Variants in RANBP10 observed in about 807,000 individuals in gnomAD.
The protein encoded by RANBP10 is RAN binding protein 10, also known as ran-binding protein 10.
RANBP10 carries 24 observed loss-of-function variants against 72.8 expected under a neutral mutation model. The observed-to-expected ratio is 0.33, with a 90% confidence interval of 0.24 to 0.46. RANBP10 has a LOEUF of 0.46. Among genes scored for constraint, RANBP10 ranks in the 20% least tolerant of loss-of-function variants. RANBP10 has a pLI of 1.00. For synonymous variants in RANBP10, 310 were observed against 322.3 expected, an observed-to-expected ratio of 0.96 and a Z score of 0.41; for missense variants, 679 against 817.5, an observed-to-expected ratio of 0.83 and a Z score of 2.07.
In RANBP10 at chr16:67,795,850, G is replaced by A. The variant is rs182303495; in HGVS notation, c.347+9578C>T. Among the ~76,000 whole-genome samples the A allele has an allele frequency of 4.5e-3, 671 of 149,244 alleles. 6 individuals carry two copies. The highest frequency in any genetic ancestry group is 0.016 in the African/African-American group (647 of 39,952). ...AGCCTGGGCGACAGAGTGAGACTCC[G>A]TCTCAAAAATAAACAAACAAACAAA... On this transcript the variant is annotated intron_variant, in intron 2 of 13. Coordinates refer to ENST00000317506, the MANE Select transcript of RANBP10 (RefSeq NM_020850.3).
At chr16:67,778,663 C>A (rs149701713) in intron 2 of RANBP10, among the ~76,000 whole-genome samples, 8 of 152,216 alleles carry the variant, frequency 5.3e-5, no homozygotes, top group African/African-American at 1.9e-4. Context: ...CTAGCCTGGG[C>A]GACACAGCAA....
At chr16:67,777,478 G>A (rs2054728292) in intron 2 of RANBP10, among the ~76,000 whole-genome samples, 1 of 152,050 alleles carries the variant, frequency 6.6e-6, no homozygotes, top group Non-Finnish European at 1.5e-5. Context: ...TGAGCTTGCA[G>A]TGAGCCGAGA....
intron 3 of RANBP10, among the ~76,000 whole-genome samples, chr16:67,751,440 A>G (rs975137736): frequency 6.6e-6 from 1 of 152,226 alleles, no homozygotes; most frequent in Non-Finnish European, 1.5e-5. Context: ...CCTGGCCAAC[A>G]TGGTGAAATC....
intron 2 of RANBP10, among the ~76,000 whole-genome samples, chr16:67,773,807 G>A (rs1251361113): frequency 6.6e-6 from 1 of 152,188 alleles, no homozygotes; most frequent in African/African-American, 2.4e-5. Context: ...CAGCATTTGA[G>A]ACAGAGTTGG....
At chr16:67,791,788 A>G (rs1337025137) in intron 2 of RANBP10, among the ~76,000 whole-genome samples, 2 of 152,202 alleles carry the variant, frequency 1.3e-5, no homozygotes, top group Non-Finnish European at 2.9e-5. Context: ...GATCCTTGGA[A>G]GATGGTTCAG....
rs961513686 is a variant in RANBP10, at chr16:67,748,523, T to TA, written c.401-4069dup. Among the ~76,000 whole-genome samples, 505 of 143,432 alleles carry TA rather than the reference T, an allele frequency of 3.5e-3. 1 individual carries two copies. Among genetic ancestry groups the TA allele is most frequent in the Middle Eastern group, 0.021 (6 of 280 alleles). 94.1% of individuals were successfully genotyped at this position (143,432 alleles called of 152,430 possible). ...TGGGCAACAAGAGCGAAACTCCGTC[T>TA]AAAAAAAAAAACAAAGTGCATGGTA... On this transcript the variant is annotated intron_variant, in intron 3 of 13. Coordinates refer to ENST00000317506, the MANE Select transcript of RANBP10 (RefSeq NM_020850.3).
intron 3 of RANBP10, among the ~76,000 whole-genome samples, chr16:67,764,237 T>C (rs1284930235): frequency 6.6e-6 from 1 of 152,182 alleles, no homozygotes; most frequent in Non-Finnish European, 1.5e-5. Context: ...GGCCTCTCCT[T>C]CGTCCCAAGC....
chr16:67,737,988 G>A (rs1169984483), intron 5 of RANBP10, 25 bp downstream of exon 5: 1 of 1,578,902 alleles, frequency 6.3e-7, no homozygotes, highest in Admixed American at 1.8e-5. Flanking sequence ...AACCCAGGAG[G>A]GGAAGACTCA....
Position 67,726,363 on chromosome 16 carries a change from G to GAGGGC in RANBP10, c.*60_*64dup. 6.2e-7 allele frequency: 1 copy of GAGGGC among 1,602,676 alleles called. No individual in the cohort carries two copies. On this transcript the variant is annotated 3_prime_UTR_variant, in exon 14 of 14. Coordinates refer to ENST00000317506, the MANE Select transcript of RANBP10 (RefSeq NM_020850.3). ...CCAGTCCCTGCACCAGTTGCCTATG[G>GAGGGC]AGGGCAGGGCAGCTCCAGCCCTGGG...
chr16:67,767,857 A>G (rs2054534006), intron 3 of RANBP10, among the ~76,000 whole-genome samples: 1 of 152,054 alleles, frequency 6.6e-6, no homozygotes, highest in Non-Finnish European at 1.5e-5. Flanking sequence ...TGGCCTCCCA[A>G]AGTGATGGGA....
chr16:67,781,836 G>A (rs954215512), intron 2 of RANBP10, among the ~76,000 whole-genome samples: 7 of 152,308 alleles, frequency 4.6e-5, no homozygotes, highest in Non-Finnish European at 8.8e-5. Context: ...AGATCCACCA[G>A]AACACAAGAT....
intron 2 of RANBP10, among the ~76,000 whole-genome samples, chr16:67,784,239 G>A (rs1488014805): frequency 6.6e-6 from 1 of 152,210 alleles, no homozygotes; most frequent in African/African-American, 2.4e-5. Context: ...ATCAGGTGGA[G>A]GCCGGGAGAG....
intron 3 of RANBP10, among the ~76,000 whole-genome samples, chr16:67,756,459 C>T (rs966032916): frequency 6.6e-6 from 1 of 152,208 alleles, no homozygotes; most frequent in Non-Finnish European, 1.5e-5. Flanking sequence ...CGGTGACTCA[C>T]GCCTGTAATC....
chr16:67,752,057 C>A (rs1472925751), intron 3 of RANBP10, among the ~76,000 whole-genome samples: 1 of 151,898 alleles, frequency 6.6e-6, no homozygotes, highest in East Asian at 1.9e-4. Flanking sequence ...TTCTGCTTTT[C>A]CAATTCCCAA....
chr16:67,727,556 G>C lies in RANBP10; in HGVS notation c.1621-118C>G, dbSNP rs1864637831. The C allele has an allele frequency of 4.6e-6, 6 of 1,308,376 alleles. No individual in the cohort carries two copies. In the African/African-American group the frequency reaches 5.9e-5, roughly 13 times the overall value. The allele number at this position is 1,308,376 out of a possible 1,614,324, so 81.0% of individuals were successfully genotyped here. A position where few individuals can be genotyped will look rare whatever the true frequency, so the allele number is the denominator to read the frequency against. On this transcript the variant is annotated intron_variant, in intron 12 of 13. Transcript: ENST00000317506. The stretch of plus-strand genomic sequence containing the variant: ...TGCCCAGCCTGGAATGTGGGGTGTA[G>C]GGTCGGGCAGGGCTGTACTCTCCCC...
intron 2 of RANBP10, among the ~76,000 whole-genome samples, chr16:67,782,829 C>A (rs961467461): frequency 1.3e-5 from 2 of 152,172 alleles, no homozygotes; most frequent in Non-Finnish European, 2.9e-5. Flanking sequence ...TAAGAGCCAT[C>A]TCTTAAAAGC....
chr16:67,797,312 C>T (rs1202336371), intron 2 of RANBP10, among the ~76,000 whole-genome samples: 2 of 152,268 alleles, frequency 1.3e-5, no homozygotes, highest in Non-Finnish European at 2.9e-5. Flanking sequence ...CGACGCTCCC[C>T]ACTCTCAGCT....
intron 1 of RANBP10, among the ~76,000 whole-genome samples, chr16:67,805,846 C>A (rs2055392874): frequency 6.6e-6 from 1 of 152,194 alleles, no homozygotes; most frequent in South Asian, 2.1e-4. Flanking sequence ...ACCTGGGAGG[C>A]CAGGGGAAGA....
chr16:67,750,761 CTTT>C (rs914921755), intron 3 of RANBP10, among the ~76,000 whole-genome samples: 1 of 110,254 alleles, frequency 9.1e-6, no homozygotes, highest in Non-Finnish European at 1.8e-5. Flanking sequence ...TTTTCACTTT[CTTT>C]TTTTTTTTTT....
Sources: allele counts gnomAD v4.1 joint callset (sites outside exome capture counted in the v4.1 genomes callset), GRCh38; gene constraint gnomAD v4.1.1; transcripts MANE v1.5; gene names NCBI Gene and HGNC (gene_info 2026-07-23, HGNC 2026-07-21).